NXN: variants seen among roughly 807,000 people sequenced by gnomAD.
NXN encodes the protein nucleoredoxin.
NXN carries 16 observed loss-of-function variants against 48.6 expected under a neutral mutation model. The ratio of observed to expected loss-of-function variants is 0.33; its 90% CI spans 0.22 to 0.50. The LOEUF is 0.50. Ranked by LOEUF, NXN falls within the 20% of genes least tolerant of loss-of-function variation. The pLI, the probability that NXN is intolerant of heterozygous loss-of-function variation, is 0.98. For missense variants in NXN, 492 were observed against 605.5 expected, an observed-to-expected ratio of 0.81 and a Z score of 1.97; for synonymous variants, 281 against 269.6, an observed-to-expected ratio of 1.04 and a Z score of -0.41.
chr17:921,602 C>G (rs1341927647), intron 1 of NXN, among the ~76,000 whole-genome samples: 1 of 152,152 alleles, frequency 6.6e-6, no homozygotes, highest in Non-Finnish European at 1.5e-5. Flanking sequence ...CTCCAGCACG[C>G]TAGACAACAC....
chr17:884,523 C>T (rs1212787690), intron 1 of NXN, among the ~76,000 whole-genome samples: 1 of 152,202 alleles, frequency 6.6e-6, no homozygotes, highest in Non-Finnish European at 1.5e-5. Context: ...GGAAGTGTGT[C>T]CGGCACTGTC....
At chr17:955,729 T>C (rs1011552623) in intron 1 of NXN, among the ~76,000 whole-genome samples, 9 of 150,210 alleles carry the variant, frequency 6.0e-5, no homozygotes, top group Admixed American at 3.3e-4. Context: ...ACCCTGTCTC[T>C]ACTAAAAAAA....
At chr17:875,755 G>A (rs1449953252) in intron 1 of NXN, among the ~76,000 whole-genome samples, 1 of 137,100 alleles carries the variant, frequency 7.3e-6, no homozygotes, top group Non-Finnish European at 1.6e-5. Flanking sequence ...ACCATGCCTG[G>A]TAAATTAAAA....
rs557332189 is a variant in NXN at position 849,512 on chromosome 17, G to A, written c.361-23434C>T. Among the ~76,000 whole-genome samples, 17 of 142,138 alleles carry A rather than the reference G, an allele frequency of 1.2e-4. No homozygotes were observed. The highest frequency in any genetic ancestry group is 2.5e-4 in the Non-Finnish European group (16 of 64,032). 93.2% of individuals were successfully genotyped at this position (142,138 alleles called of 152,430 possible). ...CGCACCACTGCACTCCATCCTGGAC[G>A]ACAGACAAAAAAAAAAGATGGGAGC... is the stretch of plus-strand genomic sequence containing the variant. On this transcript the variant is annotated intron_variant, in intron 1 of 7. Transcript: ENST00000336868. This position sits in a 1 kb window ranked among gnomAD's most constrained non-coding sequence, Gnocchi z 4.2.
intron 1 of NXN, among the ~76,000 whole-genome samples, chr17:875,088 G>A (rs1335507330): frequency 6.6e-6 from 1 of 151,612 alleles, no homozygotes; most frequent in Non-Finnish European, 1.5e-5. Context: ...CTGGAGCGCA[G>A]TGGCACAATC....
intron 1 of NXN, among the ~76,000 whole-genome samples, chr17:860,664 G>A (rs559198074): frequency 2.4e-4 from 36 of 152,412 alleles, no homozygotes; most frequent in Non-Finnish European, 4.0e-4. Flanking sequence ...AAAGTGCTGG[G>A]ATGACAGGCG....
chr17:886,918 CTTTTA>C (rs1007338788), intron 1 of NXN, among the ~76,000 whole-genome samples: 23 of 152,046 alleles, frequency 1.5e-4, no homozygotes, highest in Admixed American at 7.2e-4. Flanking sequence ...ATAAAACAAA[CTTTTA>C]TTTTGTTATT....
chr17:923,218 TACA>T (rs765226631), intron 1 of NXN, among the ~76,000 whole-genome samples: 1 of 152,168 alleles, frequency 6.6e-6, no homozygotes, highest in Non-Finnish European at 1.5e-5. Flanking sequence ...AGGTTTTTAC[TACA>T]ACATCTCCAG....
chr17:804,025 G>T (rs1463557590), intron 6 of NXN: 3 of 574,512 alleles, frequency 5.2e-6, no homozygotes, highest in Admixed American at 6.1e-5. Flanking sequence ...CTCCTGCACC[G>T]GGCTCCCCAG....
intron 1 of NXN, among the ~76,000 whole-genome samples, chr17:899,991 C>A (rs945795749): frequency 1.3e-5 from 2 of 152,142 alleles, no homozygotes; most frequent in Non-Finnish European, 2.9e-5. Flanking sequence ...GAGGGCCGGG[C>A]GTGGTGGCTC....
In NXN at chr17:819,525, T is replaced by C; in HGVS notation, c.734A>G (p.Gln245Arg). Residue 245 changes from glutamine (Q) to arginine (R), a missense_variant, in exon 5 of 8, where the codon CAG (glutamine) becomes CGG (arginine). Physicochemically the swap from Gln to Arg is conservative, Grantham distance 43 (BLOSUM62 1). Around this residue, in one of 3 missense-constraint regions of NXN, gnomAD observed 303 missense variants for 388.3 expected, o/e 0.78. Coordinates refer to ENST00000336868, the MANE Select transcript of NXN (RefSeq NM_022463.5). ...SADRSEESFK[Q>R]YFSEMPWLAV... ...GAGCCAGGGCATCTCACTGAAGTAC[T>C]GTTTGAAGGACTCCTCCGACCTACA... 6.2e-7 allele frequency: 1 copy of C among 1,607,604 alleles called. No homozygotes were observed. The highest frequency in any genetic ancestry group is 8.5e-7 in the Non-Finnish European group (1 of 1,175,790).
At chr17:804,190 C>T (rs1257074260) in intron 6 of NXN, among the ~76,000 whole-genome samples, 4 of 152,098 alleles carry the variant, frequency 2.6e-5, no homozygotes, top group African/African-American at 9.7e-5. Flanking sequence ...GAAGCCATGA[C>T]CTCCGACCTC....
intron 1 of NXN, among the ~76,000 whole-genome samples, chr17:974,077 C>T (rs1339089609): frequency 6.6e-6 from 1 of 151,634 alleles, no homozygotes; most frequent in East Asian, 2.0e-4. Flanking sequence ...ATGCCGGGCG[C>T]GGTGGCTCAT....
chr17:852,624 CAGAA>C (rs1465385548), intron 1 of NXN, among the ~76,000 whole-genome samples: 2 of 152,146 alleles, frequency 1.3e-5, no homozygotes, highest in African/African-American at 4.8e-5. Context: ...GGATATGGAG[CAGAA>C]AGTAGGGCTG....
intron 1 of NXN, among the ~76,000 whole-genome samples, chr17:853,702 C>CACATATATATATATATAT (rs1269027449): frequency 1.7e-5 from 2 of 119,316 alleles, no homozygotes; most frequent in African/African-American, 7.3e-5. Flanking sequence ...CTGTTATACA[C>CACATATATATATATATAT]ATATATATAT....
intron 1 of NXN, among the ~76,000 whole-genome samples, chr17:906,690 C>T (rs533467954): frequency 6.6e-6 from 1 of 151,914 alleles, no homozygotes; most frequent in East Asian, 1.9e-4. Context: ...CCTCAGCCTC[C>T]CGAGTAGCTG....
Position 821,729 on chromosome 17 carries a change from C to T in NXN, c.713+628G>A, listed in dbSNP as rs527701742. Among the ~76,000 whole-genome samples, 40 of 144,608 alleles carry T rather than the reference C, an allele frequency of 2.8e-4. No individual in the cohort carries two copies. The South Asian group carries it at 7.7e-3, about 28-fold the overall frequency. The allele number at this position is 144,608 out of a possible 152,430, so 94.9% of individuals were successfully genotyped here. ...TCGCACCACTGCACCCCAGCCTGGG[C>T]GACAGAGCGAGACTCCGTCTCAAAA... On this transcript the variant is annotated intron_variant, in intron 4 of 7. Transcript: ENST00000336868.
At chr17:803,592 T>TCCTTTCAGGCAACCCTGGGGC in intron 7 of NXN, 90 bp downstream of exon 7, 2 of 1,541,212 alleles carry the variant, frequency 1.3e-6, no homozygotes, top group Non-Finnish European at 1.8e-6. Context: ...GACCCTGGGG[T>TCCTTTCAGGCAACCCTGGGGC]CCTTTCAGGC....
intron 1 of NXN, among the ~76,000 whole-genome samples, chr17:959,991 C>G (rs1028434683): frequency 6.6e-6 from 1 of 151,778 alleles, no homozygotes; most frequent in Non-Finnish European, 1.5e-5. Context: ...ACTCGGGACA[C>G]TGAGGCAGGA....
Sources: gnomAD v4.1 joint callset for allele counts (sites outside exome capture counted in the v4.1 genomes callset) on GRCh38, gnomAD v4.1.1 for gene constraint, gnomAD v4.1.1 regional missense constraint, Gnocchi (gnomAD v3.1) non-coding constraint, MANE v1.5 for transcripts, NCBI Gene and HGNC (gene_info 2026-07-23, HGNC 2026-07-21) for gene names.